The following MYO1E variants were observed in gnomAD, a reference collection of about 807,000 sequenced individuals.
MYO1E encodes the protein myosin IE.
MYO1E carries 68 observed loss-of-function variants against 151.1 expected under a neutral mutation model. The ratio of observed to expected loss-of-function variants is 0.45; its 90% CI spans 0.37 to 0.55. MYO1E has a LOEUF of 0.55. Ranked by LOEUF, MYO1E falls within the 20% of genes least tolerant of loss-of-function variation. The pLI, the probability that MYO1E is intolerant of heterozygous loss-of-function variation, is 0.00. For missense variants in MYO1E, 1,363 were observed against 1,389.3 expected, an observed-to-expected ratio of 0.98 and a Z score of 0.30; for synonymous variants, 601 against 501.7, an observed-to-expected ratio of 1.20 and a Z score of -2.64.
intron 1 of MYO1E, among the ~76,000 whole-genome samples, chr15:59,290,291 A>C (rs2080411641): frequency 6.6e-6 from 1 of 152,246 alleles, no homozygotes; most frequent in Non-Finnish European, 1.5e-5. Context: ...GCCAGGTTTC[A>C]TATGCAACCC....
chr15:59,287,842 G>A (rs565004623), intron 1 of MYO1E, among the ~76,000 whole-genome samples: 48 of 152,264 alleles, frequency 3.2e-4, no homozygotes, highest in African/African-American at 9.1e-4. Context: ...CTGAGCTGCC[G>A]GGATAGACTC....
chr15:59,248,127 CAAAAAAA>C (rs138467126), intron 4 of MYO1E, among the ~76,000 whole-genome samples: 3 of 35,888 alleles, frequency 8.4e-5, no homozygotes, highest in African/African-American at 2.1e-4. Flanking sequence ...GACTCCGTCT[CAAAAAAA>C]AAAAAAAAAA....
At chr15:59,340,079 C>T (rs1185275227) in intron 1 of MYO1E, among the ~76,000 whole-genome samples, 1 of 152,166 alleles carries the variant, frequency 6.6e-6, no homozygotes, top group Non-Finnish European at 1.5e-5. Context: ...TAGTCTCAAA[C>T]TCCTGACCTC....
intron 4 of MYO1E, among the ~76,000 whole-genome samples, chr15:59,253,853 C>T (rs1397352931): frequency 6.8e-6 from 1 of 147,994 alleles, no homozygotes; most frequent in African/African-American, 2.5e-5. Context: ...TCATAGGATA[C>T]AATTAGGCAA....
intron 1 of MYO1E, among the ~76,000 whole-genome samples, chr15:59,330,123 G>C (rs980148054): frequency 7.2e-5 from 11 of 152,060 alleles, no homozygotes; most frequent in African/African-American, 2.7e-4. Flanking sequence ...ACATATTCCA[G>C]AGTCTGGGGC....
At chr15:59,345,411 T>TTC (rs2080788814) in intron 1 of MYO1E, among the ~76,000 whole-genome samples, 1 of 152,196 alleles carries the variant, frequency 6.6e-6, no homozygotes, top group Non-Finnish European at 1.5e-5. Flanking sequence ...GCTCAAGGGA[T>TTC]TCTCCTGCCT....
intron 17 of MYO1E, among the ~76,000 whole-genome samples, chr15:59,192,654 G>C (rs1457693771): frequency 6.6e-6 from 1 of 152,232 alleles, no homozygotes; most frequent in Non-Finnish European, 1.5e-5. Flanking sequence ...TTTCATTTAA[G>C]AGTATTTGCT....
Position 59,158,226 on chromosome 15 carries a change from T to C in MYO1E, c.2878+61A>G, listed in dbSNP as rs1222544323. On this transcript the variant is annotated intron_variant, in intron 25 of 27. Coordinates refer to ENST00000288235, the MANE Select transcript of MYO1E (RefSeq NM_004998.4). ...TTGCTAATGGGTTTCTTCCCAAACA[T>C]ATTTTATAAGTTATGGGTCCAGATT... 2.2e-6 allele frequency: 3 copies of C among 1,386,906 alleles called. No homozygotes were observed. In the Admixed American group the frequency reaches 5.9e-5, roughly 27 times the overall value. The allele number at this position is 1,386,906 out of a possible 1,614,324, so 85.9% of individuals were successfully genotyped here.
chr15:59,370,526 C>CT (rs1308540046), intron 1 of MYO1E, among the ~76,000 whole-genome samples: 1 of 152,168 alleles, frequency 6.6e-6, no homozygotes, highest in African/African-American at 2.4e-5. Context: ...AGATAGTCGC[C>CT]TGGGGGCACA....
chr15:59,365,209 G>A (rs2080906417), intron 1 of MYO1E, among the ~76,000 whole-genome samples: 2 of 151,864 alleles, frequency 1.3e-5, no homozygotes, highest in African/African-American at 4.8e-5. Flanking sequence ...AGTAGAGACA[G>A]GGTTTCACCA....
chr15:59,155,268 G>C (rs1003926829), intron 25 of MYO1E, among the ~76,000 whole-genome samples: 17 of 152,348 alleles, frequency 1.1e-4, no homozygotes, highest in Non-Finnish European at 2.2e-4. Flanking sequence ...ATGGCAGTTT[G>C]ACAGATCTAT....
intron 1 of MYO1E, among the ~76,000 whole-genome samples, chr15:59,277,552 A>ACAAAAAAAAAAC (rs373632903): frequency 0.011 from 819 of 73,816 alleles, 9 homozygotes; most frequent in African/African-American, 0.035. Context: ...CCCCCACAAA[A>ACAAAAAAAAAAC]AAAAAAAAAA....
At chr15:59,142,988 G>A (rs1222350544) in intron 26 of MYO1E, among the ~76,000 whole-genome samples, 2 of 150,586 alleles carry the variant, frequency 1.3e-5, no homozygotes, top group East Asian at 1.9e-4. Context: ...CTCATGGAAC[G>A]GATTCTTTCT....
At chr15:59,215,305 T>C (rs1256566321) in intron 10 of MYO1E, among the ~76,000 whole-genome samples, 1 of 152,240 alleles carries the variant, frequency 6.6e-6, no homozygotes, top group African/African-American at 2.4e-5. Context: ...CTAAGTGCTC[T>C]CAATGTGTTG....
chr15:59,334,273 G>C (rs2080715272), intron 1 of MYO1E, among the ~76,000 whole-genome samples: 1 of 152,092 alleles, frequency 6.6e-6, no homozygotes, highest in Non-Finnish European at 1.5e-5. Context: ...AACCAAATGA[G>C]ACCCTGTCTC....
chr15:59,220,841 G>A (rs1227889560), intron 9 of MYO1E, among the ~76,000 whole-genome samples: 1 of 127,236 alleles, frequency 7.9e-6, no homozygotes, highest in East Asian at 2.1e-4. Flanking sequence ...TCGATTCCCA[G>A]CACTTCCGGA....
At chr15:59,249,657 ATCGC>A (rs1392542597) in intron 4 of MYO1E, among the ~76,000 whole-genome samples, 1 of 152,158 alleles carries the variant, frequency 6.6e-6, no homozygotes, top group Non-Finnish European at 1.5e-5. Flanking sequence ...AAATTAGGTC[ATCGC>A]TCACTTTTTA....
At chr15:59,294,998 C>T (rs1031620927) in intron 1 of MYO1E, among the ~76,000 whole-genome samples, 5 of 152,104 alleles carry the variant, frequency 3.3e-5, no homozygotes, top group Non-Finnish European at 5.9e-5. Flanking sequence ...CCTCTGACCC[C>T]CACTGTTGGC....
At chr15:59,142,847 C>T (rs2079418570) in intron 26 of MYO1E, among the ~76,000 whole-genome samples, 1 of 129,176 alleles carries the variant, frequency 7.7e-6, no homozygotes, top group African/African-American at 2.9e-5. Flanking sequence ...AGATCAGGAA[C>T]AAAACAGGGA....
Sources: allele counts gnomAD v4.1 joint callset (sites outside exome capture counted in the v4.1 genomes callset), GRCh38; gene constraint gnomAD v4.1.1; transcripts MANE v1.5; gene names NCBI Gene and HGNC (gene_info 2026-07-23, HGNC 2026-07-21).